Variants in CTXND1 observed in about 807,000 individuals in gnomAD.
CTXND1 encodes cortexin domain-containing 1 protein.
intron 1 of CTXND1, among the ~76,000 whole-genome samples, chr15:80,220,731 G>A (rs1893305547): frequency 6.6e-6 from 1 of 151,714 alleles, no homozygotes; most frequent in Non-Finnish European, 1.5e-5. Context: ...TTCCCCATGG[G>A]AAAACACATT....
intron 1 of CTXND1, 104 bp downstream of exon 1, chr15:80,251,903 T>G (rs1185242298): frequency 1.3e-5 from 2 of 151,992 alleles, no homozygotes; most frequent in Admixed American, 1.3e-4. Context: ...ATCCTCCGCC[T>G]GCGGCCGGTG....
intron 1 of CTXND1, among the ~76,000 whole-genome samples, chr15:80,249,577 G>T (rs375411114): frequency 6.6e-6 from 1 of 152,184 alleles, no homozygotes. Flanking sequence ...AGTAATTGAT[G>T]ATTCTGGGGT....
intron 1 of CTXND1, among the ~76,000 whole-genome samples, chr15:80,227,487 T>A (rs568535111): frequency 6.6e-6 from 1 of 152,144 alleles, no homozygotes; most frequent in Non-Finnish European, 1.5e-5. Flanking sequence ...AAGGGCTTAT[T>A]ATGGGGTCAT....
At chr15:80,225,412 C>T (rs564206425) in intron 1 of CTXND1, among the ~76,000 whole-genome samples, 1 of 151,350 alleles carries the variant, frequency 6.6e-6, no homozygotes, top group East Asian at 1.9e-4. Flanking sequence ...TTCTTCAGCT[C>T]AAAGAAATTT....
intron 1 of CTXND1, among the ~76,000 whole-genome samples, chr15:80,221,735 A>C (rs1221805748): frequency 6.6e-6 from 1 of 152,170 alleles, no homozygotes; most frequent in Non-Finnish European, 1.5e-5. Context: ...TAGAAAAATA[A>C]ATATTTTTTA....
At chr15:80,230,025 G>A (rs2142134364) in intron 1 of CTXND1, among the ~76,000 whole-genome samples, 2 of 152,260 alleles carry the variant, frequency 1.3e-5, no homozygotes, top group South Asian at 2.1e-4. Context: ...GTCATGTTCA[G>A]AATTATTTGA....
chr15:80,239,841 G>T (rs567675815), intron 1 of CTXND1, among the ~76,000 whole-genome samples: 2 of 151,900 alleles, frequency 1.3e-5, no homozygotes, highest in African/African-American at 4.8e-5. Flanking sequence ...GATGTCTATG[G>T]TATTTTTATC....
rs1039258965 is a variant in CTXND1, at chr15:80,200,033, A to G, written c.*1737T>C. The G allele has an allele frequency of 6.6e-6, 1 of 152,240 alleles. No individual in the cohort carries two copies. Among genetic ancestry groups the G allele is most frequent in the African/African-American group, 2.4e-5 (1 of 41,430 alleles). 9.4% of individuals were successfully genotyped at this position (152,240 alleles called of 1,614,324 possible). The stretch of plus-strand genomic sequence containing the variant: ...ACTGATGACAAAGGCAATTATGTAA[A>G]TTGGTAGACGCCATATCCCTTGAGG... On this transcript the variant is annotated 3_prime_UTR_variant, in exon 3 of 3. Coordinates refer to ENST00000560778, the MANE Select transcript of CTXND1 (RefSeq NM_001352888.2).
chr15:80,224,793 GAGTGC>G (rs1172694149), intron 1 of CTXND1, among the ~76,000 whole-genome samples: 1 of 152,174 alleles, frequency 6.6e-6, no homozygotes, highest in Non-Finnish European at 1.5e-5. Flanking sequence ...ACCCAGGCTG[GAGTGC>G]AGTGGCTTGA....
At chr15:80,234,572 G>A (rs1302337776) in intron 1 of CTXND1, among the ~76,000 whole-genome samples, 1 of 151,714 alleles carries the variant, frequency 6.6e-6, no homozygotes, top group African/African-American at 2.4e-5. Flanking sequence ...CTACCTCCCG[G>A]GTTCAAGTGA....
At position 80,213,191 on chromosome 15, in the gene CTXND1, T is replaced by C. The variant is rs193169003; in HGVS notation, c.-217-9451A>G. ...GATCATAGCCAGAGTCTCACACATA[T>C]CTAATTTAGATGATCTAGATTATGA... On this transcript the variant is annotated intron_variant, in intron 1 of 2. Transcript: ENST00000560778. 1.5e-3 allele frequency among the ~76,000 whole-genome samples: 223 copies of C among 152,320 alleles called. 1 individual carries two copies. The highest frequency in any genetic ancestry group is 5.1e-3 in the African/African-American group (210 of 41,568).
At chr15:80,230,667 G>A (rs951858451) in intron 1 of CTXND1, among the ~76,000 whole-genome samples, 1 of 151,946 alleles carries the variant, frequency 6.6e-6, no homozygotes, top group South Asian at 2.1e-4. Context: ...TCTAACATAT[G>A]CATTTGGAGC....
At chr15:80,216,440 T>C (rs1384626552) in intron 1 of CTXND1, among the ~76,000 whole-genome samples, 1 of 152,192 alleles carries the variant, frequency 6.6e-6, no homozygotes, top group East Asian at 1.9e-4. Flanking sequence ...TGTTCGCATT[T>C]CCTTCCTACA....
At chr15:80,236,177 C>T (rs1233454288) in intron 1 of CTXND1, among the ~76,000 whole-genome samples, 2 of 151,720 alleles carry the variant, frequency 1.3e-5, no homozygotes, top group Non-Finnish European at 2.9e-5. Flanking sequence ...GGAACATCTT[C>T]CTTTTACTTC....
chr15:80,232,273 C>T (rs1893439977), intron 1 of CTXND1, among the ~76,000 whole-genome samples: 1 of 152,126 alleles, frequency 6.6e-6, no homozygotes, highest in South Asian at 2.1e-4. Flanking sequence ...GCCCCCGATC[C>T]TTTTGAATCA....
intron 1 of CTXND1, among the ~76,000 whole-genome samples, chr15:80,229,996 A>G (rs1052399302): frequency 3.4e-4 from 52 of 152,212 alleles, no homozygotes; most frequent in Non-Finnish European, 1.9e-4. Flanking sequence ...ATCTGTAAGG[A>G]TGGGCAGCAG....
intron 1 of CTXND1, among the ~76,000 whole-genome samples, chr15:80,231,637 T>G (rs1893432191): frequency 1.3e-5 from 2 of 152,202 alleles, no homozygotes; most frequent in African/African-American, 4.8e-5. Context: ...TAATTTTGAT[T>G]GTCAGGAATG....
intron 1 of CTXND1, among the ~76,000 whole-genome samples, chr15:80,233,004 G>A (rs1373769747): frequency 3.4e-5 from 5 of 147,716 alleles, no homozygotes; most frequent in South Asian, 4.3e-4. Flanking sequence ...TTGCAGTGGC[G>A]CGATCTTGGC....
chr15:80,245,765 A>G (rs1595911354), intron 1 of CTXND1, among the ~76,000 whole-genome samples: 1 of 151,974 alleles, frequency 6.6e-6, no homozygotes, highest in South Asian at 2.1e-4. Flanking sequence ...GTGAAATGCC[A>G]CCTGCCTACC....
Sources: gnomAD v4.1 joint callset for allele counts (sites outside exome capture counted in the v4.1 genomes callset) on GRCh38, gnomAD v4.1.1 for gene constraint, MANE v1.5 for transcripts, NCBI Gene and HGNC (gene_info 2026-07-23, HGNC 2026-07-21) for gene names.